The following NRP1 variants were observed in gnomAD, a reference collection of about 807,000 sequenced individuals.
NRP1 encodes the protein neuropilin 1.
Under a neutral mutation model 106.7 loss-of-function variants are expected in NRP1, and 35 were observed. The observed-to-expected ratio is 0.33, with a 90% CI of 0.25 to 0.43. The LOEUF is 0.43. Ranked by LOEUF, NRP1 falls within the 20% of genes least tolerant of loss-of-function variation. The pLI is 1.00. For synonymous variants in NRP1, 437 were observed against 417.9 expected, an observed-to-expected ratio of 1.05 and a Z score of -0.56; for missense variants, 1,024 against 1,170.4, an observed-to-expected ratio of 0.87 and a Z score of 1.83.
At chr10:33,202,082 G>C (rs924847480) in intron 11 of NRP1, 1 of 152,188 alleles carries the variant, frequency 6.6e-6, no homozygotes, top group Non-Finnish European at 1.5e-5. Context: ...AATCTCAAAT[G>C]AGAGTCAGAT....
At chr10:33,316,525 T>C (rs947472490) in intron 2 of NRP1, among the ~76,000 whole-genome samples, 9 of 152,338 alleles carry the variant, frequency 5.9e-5, no homozygotes, top group Non-Finnish European at 8.8e-5. Context: ...GGAAGCTAGG[T>C]ATTATCTGAG....
In NRP1 at chr10:33,213,414, A is replaced by T; in HGVS notation, c.1586T>A (p.Ile529Asn). ...YSNNGSDWKMIMDDSKRKAKS... is the reference protein window; with the variant it reads ...YSNNGSDWKMNMDDSKRKAKS... ...CGCCTTGCGTTTGCTGTCATCCATG[A>T]TCATCTTCCAGTCCGAGCCGTTGTT... Residue 529 changes from isoleucine to asparagine, a missense_variant, in exon 9 of 17, where the codon ATC becomes AAC. Physicochemically the swap from Ile to Asn is moderately radical, Grantham distance 149 (BLOSUM62 -3). Around this residue, in one of 5 missense-constraint regions of NRP1, gnomAD observed 562 missense variants for 620.3 expected, o/e 0.91. Transcript: ENST00000374867. 1 of 1,613,628 alleles carries T rather than the reference A, an allele frequency of 6.2e-7. No homozygotes were observed. Among genetic ancestry groups the T allele is most frequent in the Non-Finnish European group, 8.5e-7 (1 of 1,179,944 alleles).
At chr10:33,299,861 C>T (rs968358467) in intron 2 of NRP1, among the ~76,000 whole-genome samples, 5 of 152,186 alleles carry the variant, frequency 3.3e-5, no homozygotes, top group Non-Finnish European at 7.3e-5. Flanking sequence ...GAGAGATCCT[C>T]GCTGCCTTGA....
chr10:33,312,965 C>T (rs953335794), intron 2 of NRP1, among the ~76,000 whole-genome samples: 2 of 152,120 alleles, frequency 1.3e-5, no homozygotes, highest in African/African-American at 4.8e-5. Flanking sequence ...ACTTGGTTTG[C>T]GGCTCCTGTA....
chr10:33,331,972 G>A (rs1049543380), intron 1 of NRP1, among the ~76,000 whole-genome samples: 3 of 152,090 alleles, frequency 2.0e-5, no homozygotes, highest in African/African-American at 7.2e-5. Context: ...TTTTAACACT[G>A]CATCTAATAG....
chr10:33,214,250 C>T (rs1352015169), intron 8 of NRP1, among the ~76,000 whole-genome samples: 1 of 152,070 alleles, frequency 6.6e-6, no homozygotes, highest in African/African-American at 2.4e-5. Flanking sequence ...CCATGATCCC[C>T]CACAACTGTT....
At chr10:33,216,577 C>A (rs1460870895) in intron 8 of NRP1, among the ~76,000 whole-genome samples, 1 of 152,080 alleles carries the variant, frequency 6.6e-6, no homozygotes, top group Non-Finnish European at 1.5e-5. Context: ...CCTCAGTCTC[C>A]TGAGTAGCTA....
At chr10:33,251,757 C>T (rs1841875141) in intron 6 of NRP1, among the ~76,000 whole-genome samples, 1 of 152,156 alleles carries the variant, frequency 6.6e-6, no homozygotes, top group African/African-American at 2.4e-5. Context: ...AGAATTGCTA[C>T]AGTTGCAGTT....
chr10:33,240,084 T>G (rs1431921247), intron 6 of NRP1, among the ~76,000 whole-genome samples: 1 of 152,208 alleles, frequency 6.6e-6, no homozygotes, highest in Non-Finnish European at 1.5e-5. Flanking sequence ...CTTTGTCTCA[T>G]GGTCTCTGAG....
intron 11 of NRP1, chr10:33,202,624 G>A (rs11009288): frequency 0.21 from 323,951 of 1,512,296 alleles, 39,525 homozygotes; most frequent in East Asian, 0.58. Context: ...TTAGCCATGG[G>A]GAAATTCTTA....
At chr10:33,290,273 G>T (rs990804874) in intron 2 of NRP1, among the ~76,000 whole-genome samples, 2 of 151,212 alleles carry the variant, frequency 1.3e-5, no homozygotes, top group Non-Finnish European at 2.9e-5. Flanking sequence ...CCAAATCTGT[G>T]CTAGTTTAGT....
chr10:33,323,152 T>C (rs550209913), intron 2 of NRP1, among the ~76,000 whole-genome samples: 1 of 152,218 alleles, frequency 6.6e-6, no homozygotes, highest in East Asian at 1.9e-4. Flanking sequence ...GAGAATGGCT[T>C]ACCTCAGGAG....
In NRP1 at chr10:33,292,038, C is replaced by T. The variant is rs934735505; in HGVS notation, c.249-21182G>A. 7.9e-5 allele frequency among the ~76,000 whole-genome samples: 12 copies of T among 151,940 alleles called. No homozygotes were observed. In the South Asian group the frequency reaches 8.3e-4, roughly 11 times the overall value. On this transcript the variant is annotated intron_variant, in intron 2 of 16. Transcript: ENST00000374867. ...CCCATCTTAGCCTCCAGAGTAGCTA[C>T]GACTACAGGTGCATGCCATCACACG... is the stretch of plus-strand genomic sequence containing the variant.
At chr10:33,305,883 C>T (rs1846117507) in intron 2 of NRP1, among the ~76,000 whole-genome samples, 1 of 151,970 alleles carries the variant, frequency 6.6e-6, no homozygotes, top group South Asian at 2.1e-4. Context: ...ATTCTTCTGC[C>T]TCAGCCTCCC....
chr10:33,223,531 G>A (rs1157873624), intron 7 of NRP1, among the ~76,000 whole-genome samples: 1 of 152,044 alleles, frequency 6.6e-6, no homozygotes, highest in Non-Finnish European at 1.5e-5. Flanking sequence ...GGGAGATTTA[G>A]CTGGGAGGAT....
rs1447416741 is a variant in NRP1 at position 33,213,510 on chromosome 10, C to T, written c.1490G>A (p.Gly497Asp). Residue 497 changes from glycine to aspartate, a missense_variant, in exon 9 of 17, where the codon GGC becomes GAC. Around this residue, in one of 5 missense-constraint regions of NRP1, gnomAD observed 562 missense variants for 620.3 expected, o/e 0.91. Coordinates refer to ENST00000374867, the MANE Select transcript of NRP1 (RefSeq NM_003873.7). The part of the protein sequence containing the change: ...IDLGEEKIVR[G>D]IIIQGGKHRE... Reference sequence around the variant, plus strand: ...GTGCTTCCCACCCTGAATGATGATGCCCCTCACGATCTTCTCCTCCCCCAG... The same window carrying T: ...GTGCTTCCCACCCTGAATGATGATGTCCCTCACGATCTTCTCCTCCCCCAG... 2 of 1,613,930 alleles carry T rather than the reference C, an allele frequency of 1.2e-6. No homozygotes were observed. Among genetic ancestry groups the T allele is most frequent in the African/African-American group, 1.3e-5 (1 of 74,890 alleles).
At chr10:33,201,595 A>G (rs2132693561) in intron 11 of NRP1, 1 of 152,312 alleles carries the variant, frequency 6.6e-6, no homozygotes, top group East Asian at 1.9e-4. Flanking sequence ...TTGACATGTT[A>G]CACAGAAAAT....
intron 8 of NRP1, among the ~76,000 whole-genome samples, chr10:33,214,219 T>A (rs886098206): frequency 5.3e-5 from 8 of 152,138 alleles, no homozygotes; most frequent in African/African-American, 1.9e-4. Context: ...GGCATTTGAA[T>A]TGAGTGTGGG....
intron 6 of NRP1, among the ~76,000 whole-genome samples, chr10:33,247,427 A>G (rs1841504383): frequency 1.3e-5 from 2 of 152,182 alleles, no homozygotes; most frequent in African/African-American, 2.4e-5. Flanking sequence ...TGACAGAGCC[A>G]TTTTGGAAGT....
Sources: gnomAD v4.1 joint callset for allele counts (sites outside exome capture counted in the v4.1 genomes callset) on GRCh38, gnomAD v4.1.1 for gene constraint, gnomAD v4.1.1 regional missense constraint, MANE v1.5 for transcripts, NCBI Gene and HGNC (gene_info 2026-07-23, HGNC 2026-07-21) for gene names.